ATRNL1: variants seen among roughly 807,000 people sequenced by gnomAD.
The protein encoded by ATRNL1 is attractin like 1.
A neutral mutation model predicts 182.7 loss-of-function variants in ATRNL1; 95 were observed. The observed-to-expected ratio is 0.52, with a 90% CI of 0.44 to 0.62. The LOEUF (loss-of-function observed/expected upper bound fraction) is 0.62. ATRNL1 is among the 20% of genes least tolerant of loss of function. The pLI, the probability that ATRNL1 is intolerant of heterozygous loss-of-function variation, is 0.00. For missense variants in ATRNL1, 1,471 were observed against 1,679.5 expected (o/e 0.88, Z 2.17); for synonymous variants, 576 against 568.3 (o/e 1.01, Z -0.19).
Position 115,126,678 on chromosome 10 carries a change from G to T in ATRNL1, c.492-915G>T, listed in dbSNP as rs118054202. On this transcript the variant is annotated intron_variant, in intron 3 of 28. Transcript: ENST00000355044. ...TATTTGACTATAATATTTCATTTAT[G>T]TGTCAAATATGATTTGAATGGGGGA... Among the ~76,000 whole-genome samples, 1,513 of 152,212 alleles carry T rather than the reference G, an allele frequency of 9.9e-3. 23 individuals carry two copies. The highest frequency in any genetic ancestry group is 0.07 in the East Asian group (361 of 5,182).
At position 115,652,234 on chromosome 10, in the gene ATRNL1, ATT is replaced by A. The variant is rs61334622; in HGVS notation, c.3796-75005_3796-75004del. On this transcript the variant is annotated intron_variant, in intron 26 of 28. Coordinates refer to ENST00000355044, the MANE Select transcript of ATRNL1 (RefSeq NM_207303.4). ...GAAATCAGTCATTGTTGTTGTTGTT[ATT>A]TTTTTTTTCCATTATACTGACACAG... Among the ~76,000 whole-genome samples, 15 of 149,524 alleles carry A rather than the reference ATT, an allele frequency of 1.0e-4. No individual in the cohort carries two copies. The South Asian group carries it at 2.9e-3, about 29-fold the overall frequency.
At chr10:115,538,802 AG>A (rs1852188824) in intron 25 of ATRNL1, among the ~76,000 whole-genome samples, 1 of 152,196 alleles carries the variant, frequency 6.6e-6, no homozygotes, top group Non-Finnish European at 1.5e-5. Context: ...TCTTTCTAAC[AG>A]TTTTATACAG....
At chr10:115,442,270 G>GCC (rs2093421114) in intron 21 of ATRNL1, among the ~76,000 whole-genome samples, 3 of 100,400 alleles carry the variant, frequency 3.0e-5, no homozygotes, top group Non-Finnish European at 6.0e-5. Flanking sequence ...ATTTGTGTTT[G>GCC]CTCTCTCTCT....
At chr10:115,677,106 T>C (rs919707115) in intron 26 of ATRNL1, among the ~76,000 whole-genome samples, 3 of 152,060 alleles carry the variant, frequency 2.0e-5, no homozygotes, top group East Asian at 1.9e-4. Flanking sequence ...TAATATCTGT[T>C]GAATAAATGC....
intron 28 of ATRNL1, among the ~76,000 whole-genome samples, chr10:115,874,089 A>C (rs375652330): frequency 6.6e-6 from 1 of 152,136 alleles, no homozygotes; most frequent in African/African-American, 2.4e-5. Context: ...ACAGCTCTTC[A>C]TGCTTGTCAA....
intron 25 of ATRNL1, among the ~76,000 whole-genome samples, chr10:115,542,529 G>A (rs990585234): frequency 6.6e-6 from 1 of 152,076 alleles, no homozygotes; most frequent in Non-Finnish European, 1.5e-5. Context: ...CCTTGGAACT[G>A]CTGCGTTCAT....
intron 26 of ATRNL1, among the ~76,000 whole-genome samples, chr10:115,687,483 G>A (rs138442787): frequency 1.3e-5 from 2 of 152,086 alleles, no homozygotes; most frequent in African/African-American, 2.4e-5. Flanking sequence ...TCCATTGTAT[G>A]TATATACCAC....
intron 26 of ATRNL1, among the ~76,000 whole-genome samples, chr10:115,588,196 A>C (rs1293689086): frequency 8.5e-5 from 13 of 152,198 alleles, no homozygotes; most frequent in Non-Finnish European, 1.0e-4. Context: ...ATCATTCTAG[A>C]CTGTCCTCCC....
chr10:115,936,370 A>C (rs1266621968), intron 28 of ATRNL1, among the ~76,000 whole-genome samples: 2 of 152,196 alleles, frequency 1.3e-5, no homozygotes, highest in African/African-American at 4.8e-5. Flanking sequence ...TTCATATATC[A>C]TCAGTTTTGT....
rs113176827 is a variant in ATRNL1 at position 115,445,655 on chromosome 10, C to T, written c.3323-16286C>T. ...ATAAAAGTCACCATTTTAAAGTGTA[C>T]AATTCAGTAGCTTTTAGTATATTAT... On this transcript the variant is annotated intron_variant, in intron 21 of 28. Coordinates refer to ENST00000355044, the MANE Select transcript of ATRNL1 (RefSeq NM_207303.4). 3.6e-3 allele frequency among the ~76,000 whole-genome samples: 545 copies of T among 151,722 alleles called. 4 individuals carry two copies. The highest frequency in any genetic ancestry group is 0.017 in the South Asian group (83 of 4,814).
chr10:115,594,069 C>A (rs1337035643), intron 26 of ATRNL1, among the ~76,000 whole-genome samples: 1 of 151,974 alleles, frequency 6.6e-6, no homozygotes, highest in Non-Finnish European at 1.5e-5. Context: ...TGACATAATT[C>A]ATATTTCTTT....
intron 20 of ATRNL1, among the ~76,000 whole-genome samples, chr10:115,410,757 A>G (rs554085063): frequency 7.2e-5 from 11 of 152,162 alleles, no homozygotes; most frequent in Admixed American, 5.2e-4. Context: ...TTTCAGAGAC[A>G]GAGTCTCACT....
intron 26 of ATRNL1, among the ~76,000 whole-genome samples, chr10:115,677,133 A>G (rs567011152): frequency 6.6e-6 from 1 of 152,248 alleles, no homozygotes; most frequent in African/African-American, 2.4e-5. Context: ...GAAAGAATGA[A>G]TAAAAGAAAA....
At chr10:115,589,168 A>G (rs1431225763) in intron 26 of ATRNL1, among the ~76,000 whole-genome samples, 1 of 152,208 alleles carries the variant, frequency 6.6e-6, no homozygotes, top group East Asian at 1.9e-4. Flanking sequence ...GACTTTGACT[A>G]TAACGTATTC....
intron 18 of ATRNL1, among the ~76,000 whole-genome samples, chr10:115,323,713 G>A (rs577365859): frequency 6.6e-6 from 1 of 151,772 alleles, no homozygotes; most frequent in South Asian, 2.1e-4. Context: ...CAAAGTGCTG[G>A]GATTACAGGC....
intron 26 of ATRNL1, among the ~76,000 whole-genome samples, chr10:115,586,504 T>C (rs1855511963): frequency 1.1e-5 from 1 of 94,974 alleles, no homozygotes; most frequent in Non-Finnish European, 2.4e-5. Flanking sequence ...TTCATTCATT[T>C]CGTCTTCCAT....
intron 26 of ATRNL1, among the ~76,000 whole-genome samples, chr10:115,602,934 A>G (rs1329759300): frequency 6.6e-6 from 1 of 152,128 alleles, no homozygotes; most frequent in Non-Finnish European, 1.5e-5. Context: ...TAACTCAGGG[A>G]TACACTTTAT....
intron 27 of ATRNL1, among the ~76,000 whole-genome samples, chr10:115,810,737 A>G (rs1297565918): frequency 1.3e-5 from 2 of 151,576 alleles, no homozygotes; most frequent in African/African-American, 4.8e-5. Flanking sequence ...GTATTTTTAG[A>G]TTTTCCAGGA....
At chr10:115,706,647 C>T (rs1565304827) in intron 26 of ATRNL1, among the ~76,000 whole-genome samples, 1 of 151,896 alleles carries the variant, frequency 6.6e-6, no homozygotes, top group Non-Finnish European at 1.5e-5. Flanking sequence ...TAAGTGCAGA[C>T]ATCCGACTTG....
Sources: gnomAD v4.1 joint callset for allele counts (sites outside exome capture counted in the v4.1 genomes callset) on GRCh38, gnomAD v4.1.1 for gene constraint, MANE v1.5 for transcripts, NCBI Gene and HGNC (gene_info 2026-07-23, HGNC 2026-07-21) for gene names.